The following TRAPPC9 variants were observed in gnomAD, a reference collection of about 807,000 sequenced individuals.
The protein encoded by TRAPPC9 is trafficking protein particle complex subunit 9.
Under a neutral mutation model 124.0 loss-of-function variants are expected in TRAPPC9, and 83 were observed. The observed-to-expected ratio is 0.67, with a 90% CI of 0.56 to 0.80. TRAPPC9 has a LOEUF of 0.80. Among genes scored for constraint, TRAPPC9 ranks in the 30% least tolerant of loss-of-function variants. The pLI, the probability that TRAPPC9 is intolerant of heterozygous loss-of-function variation, is 0.00. For synonymous variants in TRAPPC9, 638 were observed against 617.5 expected (o/e 1.03, Z -0.49); for missense variants, 1,302 against 1,508.3 (o/e 0.86, Z 2.27).
intron 5 of TRAPPC9, among the ~76,000 whole-genome samples, chr8:140,418,771 T>TAGATAGATAGGC (rs779953213): frequency 7.6e-6 from 1 of 131,168 alleles, no homozygotes; most frequent in Non-Finnish European, 1.7e-5. Flanking sequence ...GATAGATAGA[T>TAGATAGATAGGC]AGACAGACAG....
chr8:139,995,279 T>C (rs889796322), intron 18 of TRAPPC9, among the ~76,000 whole-genome samples: 18 of 152,204 alleles, frequency 1.2e-4, no homozygotes, highest in Non-Finnish European at 2.4e-4. Context: ...CCTCTCTTCC[T>C]GGTCCAACAA....
intron 9 of TRAPPC9, among the ~76,000 whole-genome samples, chr8:140,314,619 T>G (rs1413071724): frequency 2.0e-5 from 3 of 152,192 alleles, no homozygotes; most frequent in Non-Finnish European, 2.9e-5. Context: ...ATCCCCAGAC[T>G]CTTCTAACCT....
At chr8:140,016,112 C>A (rs12335111) in intron 18 of TRAPPC9, among the ~76,000 whole-genome samples, 73,521 of 151,994 alleles carry the variant, frequency 0.48, 18,121 homozygotes, top group Middle Eastern at 0.64. Context: ...GCCTTTCCAG[C>A]TCTCCCCAGT....
At chr8:140,207,081 C>T (rs982163714) in intron 17 of TRAPPC9, among the ~76,000 whole-genome samples, 4 of 152,204 alleles carry the variant, frequency 2.6e-5, no homozygotes, top group African/African-American at 4.8e-5. Context: ...AGGAGCCGTG[C>T]GTCTCTTCAG....
chr8:140,410,617 G>A (rs2069671398), intron 5 of TRAPPC9, among the ~76,000 whole-genome samples: 1 of 152,192 alleles, frequency 6.6e-6, no homozygotes, highest in Non-Finnish European at 1.5e-5. Context: ...GCCGAGGCGG[G>A]CGGACCACAA....
intron 16 of TRAPPC9, among the ~76,000 whole-genome samples, chr8:140,246,116 C>A (rs2063980515): frequency 6.6e-6 from 1 of 152,220 alleles, no homozygotes; most frequent in Non-Finnish European, 1.5e-5. Flanking sequence ...GCGAACAATT[C>A]TCTCAAGTAG....
intron 19 of TRAPPC9, among the ~76,000 whole-genome samples, chr8:139,977,156 G>T (rs1431504089): frequency 1.6e-4 from 25 of 152,108 alleles, no homozygotes; most frequent in Non-Finnish European, 2.9e-5. Flanking sequence ...GAAGAGTAAG[G>T]GTTTTTCTGG....
chr8:140,324,420 G>A (rs2066685339), intron 9 of TRAPPC9, among the ~76,000 whole-genome samples: 1 of 152,152 alleles, frequency 6.6e-6, no homozygotes, highest in African/African-American at 2.4e-5. Flanking sequence ...ATAGAAATAA[G>A]AACAGAAAGA....
At chr8:139,945,197 A>G (rs1038079847) in intron 19 of TRAPPC9, among the ~76,000 whole-genome samples, 1 of 152,226 alleles carries the variant, frequency 6.6e-6, no homozygotes, top group African/African-American at 2.4e-5. Flanking sequence ...TACGTTGTTT[A>G]TAAGTAAAGT....
At chr8:140,128,980 TATATATAC>T (rs1252210997) in intron 17 of TRAPPC9, among the ~76,000 whole-genome samples, 15 of 126,040 alleles carry the variant, frequency 1.2e-4, no homozygotes, top group Non-Finnish European at 2.3e-4. Flanking sequence ...AAAATATATA[TATATATAC>T]ATATATATAT....
At chr8:140,289,923 G>A (rs932965061) in intron 12 of TRAPPC9, among the ~76,000 whole-genome samples, 1 of 152,186 alleles carries the variant, frequency 6.6e-6, no homozygotes, top group Non-Finnish European at 1.5e-5. Flanking sequence ...GACAGATTTC[G>A]GGAAACTATG....
rs540765802 is a variant in TRAPPC9, at chr8:139,936,849, A to G, written c.2811-26549T>C. ...GAGAGAGTGGGCGAGTGGGCACTGC[A>G]GTGTGGTATAAAGCACGGAGAGAGT... On this transcript the variant is annotated intron_variant, in intron 19 of 22. Transcript: ENST00000438773. Among the ~76,000 whole-genome samples the G allele has an allele frequency of 9.4e-5, 7 of 74,610 alleles. 1 individual carries two copies. Among genetic ancestry groups the G allele is most frequent in the African/African-American group, 4.3e-4 (7 of 16,386 alleles). 48.9% of individuals were successfully genotyped at this position (74,610 alleles called of 152,430 possible).
intron 17 of TRAPPC9, among the ~76,000 whole-genome samples, chr8:140,199,272 G>C (rs1272988967): frequency 6.6e-6 from 1 of 152,150 alleles, no homozygotes; most frequent in Non-Finnish European, 1.5e-5. Context: ...GGGGGGTGCT[G>C]ATGTTCTTAG....
In TRAPPC9 at chr8:139,885,987, A is replaced by G. The variant is rs1676554832; in HGVS notation, c.2965-18T>C. ...AGGGAGGGGTGAGCCTTGGTCAAGG[A>G]AAACGCAACTCCTGCGGAGCCCAGG... is the stretch of plus-strand genomic sequence containing the variant. On this transcript the variant is annotated intron_variant, in intron 20 of 22. Transcript: ENST00000438773. 3 of 1,556,174 alleles carry G rather than the reference A, an allele frequency of 1.9e-6. No homozygotes were observed. The highest frequency in any genetic ancestry group is 1.7e-6 in the Non-Finnish European group (2 of 1,149,166).
At chr8:139,830,661 G>A (rs1014080669) in intron 21 of TRAPPC9, among the ~76,000 whole-genome samples, 15 of 150,814 alleles carry the variant, frequency 9.9e-5, no homozygotes, top group African/African-American at 2.9e-4. Flanking sequence ...ATACACATAC[G>A]AATACACATG....
At chr8:140,393,141 G>A (rs985552538) in intron 7 of TRAPPC9, among the ~76,000 whole-genome samples, 3 of 150,550 alleles carry the variant, frequency 2.0e-5, no homozygotes, top group East Asian at 1.9e-4. Context: ...GCGCCATCTC[G>A]GCGCACTGCA....
chr8:139,772,269 G>C (rs758813357), intron 21 of TRAPPC9, among the ~76,000 whole-genome samples: 11 of 152,252 alleles, frequency 7.2e-5, no homozygotes, highest in Non-Finnish European at 1.6e-4. Flanking sequence ...GTGCAGGGCA[G>C]AGGGAGAGGC....
chr8:139,847,582 G>A (rs1409971115), intron 21 of TRAPPC9, among the ~76,000 whole-genome samples: 1 of 150,240 alleles, frequency 6.7e-6, no homozygotes, highest in African/African-American at 2.5e-5. Context: ...GTGGCCTGCA[G>A]ATGGGCACGA....
chr8:140,266,640 C>T (rs2064668732), intron 15 of TRAPPC9, among the ~76,000 whole-genome samples: 1 of 151,992 alleles, frequency 6.6e-6, no homozygotes, highest in African/African-American at 2.4e-5. Context: ...GGGTGGATTA[C>T]GAGGTCAGGA....
Sources: gnomAD v4.1 joint callset for allele counts (sites outside exome capture counted in the v4.1 genomes callset) on GRCh38, gnomAD v4.1.1 for gene constraint, MANE v1.5 for transcripts, NCBI Gene and HGNC (gene_info 2026-07-23, HGNC 2026-07-21) for gene names.